Variants in DNAH11 observed in about 807,000 individuals in gnomAD.
DNAH11 encodes axonemal beta dynein heavy chain 11.
A neutral mutation model predicts 526.0 loss-of-function variants in DNAH11; 442 were observed. That is an observed-to-expected ratio of 0.84 (90% CI 0.78 to 0.91). The LOEUF (loss-of-function observed/expected upper bound fraction) is 0.91, where lower values mean the gene tolerates loss of function less well. DNAH11 is among the 40% of genes least tolerant of loss of function. The pLI, the probability that DNAH11 is intolerant of heterozygous loss-of-function variation, is 0.00. For synonymous variants in DNAH11, 2,461 were observed against 1,935.9 expected (o/e 1.27, Z -7.12); for missense variants, 6,989 against 5,448.7 (o/e 1.28, Z -8.90).
At chr7:21,882,359 C>G (rs1226788941) in intron 75 of DNAH11, among the ~76,000 whole-genome samples, 1 of 152,134 alleles carries the variant, frequency 6.6e-6, no homozygotes, top group Admixed American at 6.5e-5. Context: ...CAGTCATTTT[C>G]TGCACATCAC....
chr7:21,676,585 A>T (rs1782899947), intron 30 of DNAH11, among the ~76,000 whole-genome samples: 2 of 152,230 alleles, frequency 1.3e-5, no homozygotes, highest in African/African-American at 4.8e-5. Flanking sequence ...TGTGCAGATT[A>T]TGTTGACAAG....
intron 2 of DNAH11, among the ~76,000 whole-genome samples, chr7:21,551,580 G>A (rs1382154541): frequency 6.6e-6 from 1 of 150,690 alleles, no homozygotes; most frequent in East Asian, 1.9e-4. Context: ...TAATTCACAG[G>A]TTTGGGCTGA....
intron 6 of DNAH11, among the ~76,000 whole-genome samples, chr7:21,566,979 G>A (rs1237043902): frequency 6.6e-6 from 1 of 152,054 alleles, no homozygotes; most frequent in East Asian, 1.9e-4. Context: ...ACAGTATGCA[G>A]AAAAAAACTA....
chr7:21,799,718 T>G (rs1788885106), intron 61 of DNAH11, among the ~76,000 whole-genome samples: 1 of 152,218 alleles, frequency 6.6e-6, no homozygotes, highest in African/African-American at 2.4e-5. Context: ...CATATTAATC[T>G]TAAATTTGAT....
chr7:21,750,951 T>C (rs901049334), intron 54 of DNAH11, among the ~76,000 whole-genome samples: 1 of 152,152 alleles, frequency 6.6e-6, no homozygotes, highest in Non-Finnish European at 1.5e-5. Flanking sequence ...TTCTAAATCA[T>C]GAAGTGAGTA....
At chr7:21,724,414 C>A (rs1784994256) in intron 44 of DNAH11, among the ~76,000 whole-genome samples, 1 of 152,196 alleles carries the variant, frequency 6.6e-6, no homozygotes. Context: ...GGCCATAATC[C>A]AATGACATAG....
At chr7:21,751,167 C>T (rs1562525807) in intron 54 of DNAH11, among the ~76,000 whole-genome samples, 1 of 152,032 alleles carries the variant, frequency 6.6e-6, no homozygotes, top group Admixed American at 6.5e-5. Flanking sequence ...CTACTAAAAA[C>T]ACAAAAATTA....
At position 21,765,322 on chromosome 7, in the gene DNAH11, A is replaced by C. The variant is rs899651620; in HGVS notation, c.8941-106A>C. The C allele has an allele frequency of 3.3e-6, 5 of 1,521,270 alleles. No individual in the cohort carries two copies. The Admixed American group carries it at 5.1e-5, about 16-fold the overall frequency. 94.2% of individuals were successfully genotyped at this position (1,521,270 alleles called of 1,614,324 possible). A position where few individuals can be genotyped will look rare whatever the true frequency, so the allele number is the denominator to read the frequency against. On this transcript the variant is annotated intron_variant, in intron 54 of 81. Transcript: ENST00000409508. ...CTCTCTAGGGCTTTAGGGTAGTTTA[A>C]TGTCACAGTTGGCTGCACTCCTTTC...
In DNAH11 at chr7:21,600,870, T is replaced by G; in HGVS notation, c.3195T>G (p.Asp1065Glu). 1 of 1,613,976 alleles carries G rather than the reference T, an allele frequency of 6.2e-7. No individual in the cohort carries two copies. Among genetic ancestry groups the G allele is most frequent in the Non-Finnish European group, 8.5e-7 (1 of 1,179,874 alleles). The change falls in exon 16 of 82, where the codon GAT (aspartate) becomes GAG (glutamate). Residue 1065 changes from aspartate (D) to glutamate (E), a missense_variant. Transcript: ENST00000409508. ...ATGCTGTGTCTTCCGATGAAATGGA[T>G]GCTCATGCAAATGAAGAAATTCCCG... The part of the protein sequence containing the change: ...YGHAVSSDEM[D>E]AHANEEIPEQ...
At chr7:21,807,525 G>A (rs116930395) in intron 62 of DNAH11, among the ~76,000 whole-genome samples, 11 of 152,244 alleles carry the variant, frequency 7.2e-5, no homozygotes, top group Admixed American at 2.0e-4. Context: ...AACATCACTC[G>A]TTCTTGGCCA....
chr7:21,572,069 C>G (rs1651142600), intron 8 of DNAH11, 96 bp downstream of exon 8: 2 of 1,103,076 alleles, frequency 1.8e-6, no homozygotes, highest in Non-Finnish European at 2.4e-6. Context: ...ACCATCCATT[C>G]CAATATCTCT....
intron 5 of DNAH11, among the ~76,000 whole-genome samples, chr7:21,562,845 A>T (rs1783521983): frequency 6.6e-6 from 1 of 152,204 alleles, no homozygotes; most frequent in African/African-American, 2.4e-5. Context: ...ACATAGACAG[A>T]TGAACTGGTT....
At chr7:21,855,537 C>G (rs564076165) in intron 68 of DNAH11, among the ~76,000 whole-genome samples, 2 of 152,226 alleles carry the variant, frequency 1.3e-5, no homozygotes, top group East Asian at 1.9e-4. Flanking sequence ...TATAATATCC[C>G]CATTTAAAAA....
chr7:21,778,303 G>A (rs1353782577), intron 56 of DNAH11, among the ~76,000 whole-genome samples: 3 of 152,116 alleles, frequency 2.0e-5, no homozygotes, highest in African/African-American at 4.8e-5. Flanking sequence ...TGCCTCTGAA[G>A]CTCACTGAGT....
Position 21,854,305 on chromosome 7 carries a change from C to T in DNAH11, c.11062-10C>T. 1.9e-6 allele frequency: 3 copies of T among 1,611,502 alleles called. No individual in the cohort carries two copies. The highest frequency in any genetic ancestry group is 2.5e-6 in the Non-Finnish European group (3 of 1,179,028). ...AAATAAGTTACTTATTTTGTTTGAT[C>T]CCACCATAGGTGATTGAAGCCAAAG... On this transcript the variant is annotated splice_polypyrimidine_tract_variant and intron_variant, in intron 67 of 81. Transcript: ENST00000409508.
intron 2 of DNAH11, among the ~76,000 whole-genome samples, chr7:21,547,958 G>A (rs1314329588): frequency 6.6e-6 from 1 of 152,118 alleles, no homozygotes; most frequent in East Asian, 1.9e-4. Flanking sequence ...TTTATTAATA[G>A]CTATTTTTGT....
chr7:21,900,867 A>C (rs558369504), intron 81 of DNAH11, 140 bp from the exon 82 acceptor site: 1 of 1,384,550 alleles, frequency 7.2e-7, no homozygotes, highest in Non-Finnish European at 9.6e-7. Context: ...CAGTCCGGCC[A>C]GCTCAGTAAA....
At chr7:21,785,508 T>C (rs552342140) in intron 58 of DNAH11, among the ~76,000 whole-genome samples, 1 of 152,348 alleles carries the variant, frequency 6.6e-6, no homozygotes, top group East Asian at 1.9e-4. Flanking sequence ...TAGGGTATTT[T>C]ATATGACTAA....
chr7:21,661,053 T>C (rs1279843398), intron 30 of DNAH11, among the ~76,000 whole-genome samples: 1 of 152,236 alleles, frequency 6.6e-6, no homozygotes, highest in Non-Finnish European at 1.5e-5. Context: ...GCGATGTTCC[T>C]CCACTCAGGC....
Sources: allele counts gnomAD v4.1 joint callset (sites outside exome capture counted in the v4.1 genomes callset), GRCh38; gene constraint gnomAD v4.1.1; transcripts MANE v1.5; gene names NCBI Gene and HGNC (gene_info 2026-07-23, HGNC 2026-07-21).